The following ERC2 variants were observed in gnomAD, a reference collection of about 807,000 sequenced individuals.
ERC2 encodes ERC protein 2.
Under a neutral mutation model 114.8 loss-of-function variants are expected in ERC2, and 42 were observed. The observed-to-expected ratio is 0.37, with a 90% CI of 0.29 to 0.47. ERC2 has a LOEUF of 0.47. Ranked by LOEUF, ERC2 falls within the 20% of genes least tolerant of loss-of-function variation. ERC2 has a pLI of 0.99. For missense variants in ERC2, 939 were observed against 1,150.7 expected, an observed-to-expected ratio of 0.82 and a Z score of 2.66; for synonymous variants, 454 against 425.5, an observed-to-expected ratio of 1.07 and a Z score of -0.82.
intron 14 of ERC2, among the ~76,000 whole-genome samples, chr3:55,854,386 T>TTTTGGTTTGG (rs538567365): frequency 6.6e-6 from 1 of 152,088 alleles, no homozygotes; most frequent in African/African-American, 2.4e-5. Flanking sequence ...TTTGTTTTGG[T>TTTTGGTTTGG]TTTGGTTTGG....
intron 6 of ERC2, among the ~76,000 whole-genome samples, chr3:56,087,783 ATTTG>A (rs1192639710): frequency 1.3e-5 from 2 of 152,156 alleles, no homozygotes; most frequent in Admixed American, 1.3e-4. Context: ...TCAAAGCTTC[ATTTG>A]TTTGTTTTTC....
chr3:55,986,106 T>C (rs1159729290), intron 11 of ERC2, 118 bp from the exon 12 acceptor site: 2 of 969,406 alleles, frequency 2.1e-6, no homozygotes, highest in East Asian at 5.3e-5. Context: ...CAACAGATGT[T>C]ATATCAGCAG....
chr3:56,040,384 T>A (rs918017401), intron 7 of ERC2, among the ~76,000 whole-genome samples: 4 of 151,298 alleles, frequency 2.6e-5, no homozygotes, highest in Non-Finnish European at 4.4e-5. Context: ...AGACAGGGTC[T>A]CCCTCTGTCA....
chr3:56,126,792 G>GGA (rs1390898759), intron 6 of ERC2, among the ~76,000 whole-genome samples: 1 of 62,922 alleles, frequency 1.6e-5, no homozygotes, highest in Admixed American at 1.8e-4. Flanking sequence ...AGAAAAGAAA[G>GGA]AAGGAAAGGA....
intron 17 of ERC2, among the ~76,000 whole-genome samples, chr3:55,597,342 C>A (rs2058192498): frequency 6.6e-6 from 1 of 151,778 alleles, no homozygotes; most frequent in African/African-American, 2.4e-5. Context: ...ACGGCATGAA[C>A]CCAGGAGGTG....
At chr3:56,193,306 G>A (rs1354857717) in intron 3 of ERC2, among the ~76,000 whole-genome samples, 1 of 152,092 alleles carries the variant, frequency 6.6e-6, no homozygotes, top group African/African-American at 2.4e-5. Context: ...TCAGGAGTTC[G>A]AGATCAGCCT....
chr3:55,791,463 CTA>C (rs2070016375), intron 14 of ERC2, among the ~76,000 whole-genome samples: 1 of 152,058 alleles, frequency 6.6e-6, no homozygotes, highest in Admixed American at 6.6e-5. Flanking sequence ...GAAAATCTTA[CTA>C]TGTTTTTCCA....
Position 56,010,435 on chromosome 3 carries a change from T to C in ERC2, c.1920+14A>G, listed in dbSNP as rs2072831914. ...AGGACTATCAATGTGGTTCATTTGT[T>C]TTTCCAGACTCACCTCTTTCTCAGT... On this transcript the variant is annotated intron_variant, in intron 9 of 17. Transcript: ENST00000288221. 6.2e-7 allele frequency: 1 copy of C among 1,611,542 alleles called. No individual in the cohort carries two copies. The highest frequency in any genetic ancestry group is 8.5e-7 in the Non-Finnish European group (1 of 1,179,002).
chr3:55,892,103 T>C (rs1410063090), intron 13 of ERC2, among the ~76,000 whole-genome samples: 10 of 152,198 alleles, frequency 6.6e-5, no homozygotes, highest in East Asian at 5.8e-4. Context: ...GGGAACCCTA[T>C]TGCTTGCTTA....
chr3:55,978,178 A>G (rs897079185), intron 12 of ERC2, among the ~76,000 whole-genome samples: 1 of 152,182 alleles, frequency 6.6e-6, no homozygotes, highest in Admixed American at 6.5e-5. Context: ...TCTAAACGCA[A>G]TATCAGATCT....
chr3:56,001,918 G>T (rs1560004272), intron 10 of ERC2, among the ~76,000 whole-genome samples: 1 of 151,996 alleles, frequency 6.6e-6, no homozygotes, highest in Non-Finnish European at 1.5e-5. Flanking sequence ...TTTCGAGCTT[G>T]AAGATATTCC....
chr3:56,032,998 A>T (rs2074531150), intron 7 of ERC2, among the ~76,000 whole-genome samples: 1 of 134,514 alleles, frequency 7.4e-6, no homozygotes, highest in Non-Finnish European at 1.6e-5. Context: ...AAAGAAAGAA[A>T]GAAAGAAAGA....
At chr3:56,258,975 A>ATT (rs1560475048) in intron 3 of ERC2, among the ~76,000 whole-genome samples, 10 of 72,966 alleles carry the variant, frequency 1.4e-4, no homozygotes, top group Admixed American at 8.2e-4. Flanking sequence ...TTAATTAATT[A>ATT]ATTTTTTTTT....
At chr3:55,710,832 A>G (rs1490122697) in intron 15 of ERC2, among the ~76,000 whole-genome samples, 1 of 152,204 alleles carries the variant, frequency 6.6e-6, no homozygotes, top group Non-Finnish European at 1.5e-5. Flanking sequence ...TAAAATGTTA[A>G]TACTGGGCCA....
intron 17 of ERC2, among the ~76,000 whole-genome samples, chr3:55,522,767 CTG>C (rs2053048152): frequency 6.6e-6 from 1 of 152,218 alleles, no homozygotes; most frequent in Admixed American, 6.5e-5. Flanking sequence ...TAAGTGAACT[CTG>C]TAAATGTCTC....
chr3:55,553,632 T>G (rs897449688), intron 17 of ERC2, among the ~76,000 whole-genome samples: 1 of 151,942 alleles, frequency 6.6e-6, no homozygotes, highest in Non-Finnish European at 1.5e-5. Flanking sequence ...TACAAAAAAT[T>G]AGCTGGGCGT....
chr3:56,217,817 C>G (rs1252346772), intron 3 of ERC2, among the ~76,000 whole-genome samples: 2 of 152,058 alleles, frequency 1.3e-5, no homozygotes, highest in Non-Finnish European at 2.9e-5. Flanking sequence ...CAGAACAGAG[C>G]CCTCAGAAAT....
intron 14 of ERC2, among the ~76,000 whole-genome samples, chr3:55,833,757 C>G (rs1329930503): frequency 6.6e-6 from 1 of 152,070 alleles, no homozygotes; most frequent in East Asian, 1.9e-4. Context: ...TCACACATAA[C>G]AATATTAACT....
At position 56,023,767 on chromosome 3, in the gene ERC2, A is replaced by AAAGG. The variant is rs768746262; in HGVS notation, c.1642-4740_1642-4737dup. 2.3e-3 allele frequency among the ~76,000 whole-genome samples: 112 copies of AAAGG among 49,620 alleles called. 3 individuals are homozygous for AAAGG. Among genetic ancestry groups the AAAGG allele is most frequent in the Admixed American group, 6.3e-3 (31 of 4,950 alleles). 32.6% of individuals were successfully genotyped at this position (49,620 alleles called of 152,430 possible). A position where few individuals can be genotyped will look rare whatever the true frequency, so the allele number is the denominator to read the frequency against. ...ATATTAGCTTACTGAATGAATGAAA[A>AAAGG]AAGGAATGAAGGAAGGAAGGAAGGA... On this transcript the variant is annotated intron_variant, in intron 7 of 17. Coordinates refer to ENST00000288221, the MANE Select transcript of ERC2 (RefSeq NM_015576.3).
Sources: allele counts gnomAD v4.1 joint callset (sites outside exome capture counted in the v4.1 genomes callset), GRCh38; gene constraint gnomAD v4.1.1; transcripts MANE v1.5; gene names NCBI Gene and HGNC (gene_info 2026-07-23, HGNC 2026-07-21).